The following TENM2 variants were observed in gnomAD, a reference collection of about 807,000 sequenced individuals.
TENM2 encodes the protein teneurin transmembrane protein 2, also known as teneurin-2.
A neutral mutation model predicts 245.2 loss-of-function variants in TENM2; 52 were observed. That is an observed-to-expected ratio of 0.21 (90% CI 0.17 to 0.27). TENM2 has a LOEUF of 0.27. Among genes scored for constraint, TENM2 ranks in the 10% least tolerant of loss-of-function variants. The pLI is 1.00. For missense variants in TENM2, 3,046 were observed against 3,666.8 expected, an observed-to-expected ratio of 0.83 and a Z score of 4.37; for synonymous variants, 1,363 against 1,438.9, an observed-to-expected ratio of 0.95 and a Z score of 1.19.
At chr5:168,076,456 C>G (rs1791487419) in intron 7 of TENM2, among the ~76,000 whole-genome samples, 1 of 152,064 alleles carries the variant, frequency 6.6e-6, no homozygotes, top group South Asian at 2.1e-4. Context: ...GAACTCCTGA[C>G]CTCGTAATCC....
At chr5:167,810,150 T>G (rs541229495) in intron 2 of TENM2, among the ~76,000 whole-genome samples, 1 of 152,192 alleles carries the variant, frequency 6.6e-6, no homozygotes, top group East Asian at 1.9e-4. Context: ...AGTGAAAAGG[T>G]TGAACTTTGT....
intron 1 of TENM2, among the ~76,000 whole-genome samples, chr5:167,355,539 C>T (rs1008181625): frequency 2.6e-5 from 4 of 152,146 alleles, no homozygotes; most frequent in African/African-American, 7.2e-5. Context: ...CCCCTTGTGA[C>T]ACAGGAATAG....
chr5:167,931,087 C>G (rs1291883288), intron 3 of TENM2, among the ~76,000 whole-genome samples: 1 of 152,208 alleles, frequency 6.6e-6, no homozygotes, highest in Non-Finnish European at 1.5e-5. Context: ...CCCTTTGCCC[C>G]TTGAAAAGCA....
chr5:168,120,659 C>T (rs1245731263), intron 10 of TENM2, among the ~76,000 whole-genome samples: 4 of 152,206 alleles, frequency 2.6e-5, no homozygotes, highest in East Asian at 3.9e-4. Flanking sequence ...AGGATGAAAT[C>T]TCCTCCGTTG....
chr5:168,206,629 G>T (rs555173448), intron 19 of TENM2, among the ~76,000 whole-genome samples: 16 of 152,114 alleles, frequency 1.1e-4, no homozygotes, highest in African/African-American at 3.9e-4. Flanking sequence ...CCAAACTGGC[G>T]ATCAGACAAA....
chr5:168,041,485 C>T (rs552355651), intron 5 of TENM2, among the ~76,000 whole-genome samples: 7 of 152,282 alleles, frequency 4.6e-5, no homozygotes, highest in South Asian at 4.1e-4. Context: ...CTTCCCCAGA[C>T]GTCAGCATAA....
At chr5:167,854,387 T>G (rs1288989214) in intron 2 of TENM2, among the ~76,000 whole-genome samples, 1 of 152,224 alleles carries the variant, frequency 6.6e-6, no homozygotes, top group Non-Finnish European at 1.5e-5. Flanking sequence ...TATCCCTGTA[T>G]ATGTTGAGCA....
At chr5:168,102,733 A>C (rs1793922366) in intron 9 of TENM2, among the ~76,000 whole-genome samples, 1 of 152,258 alleles carries the variant, frequency 6.6e-6, no homozygotes. Flanking sequence ...AATGATTAGC[A>C]CTGAATTTAT....
chr5:167,228,177 G>T, the TENM2 span, among the ~76,000 whole-genome samples: 1 of 151,968 alleles, frequency 6.6e-6, no homozygotes, highest in Non-Finnish European at 1.5e-5. Context: ...CTACAGGTGT[G>T]CATCACCACG....
chr5:167,644,786 C>T (rs769497870), intron 2 of TENM2, among the ~76,000 whole-genome samples: 1 of 152,218 alleles, frequency 6.6e-6, no homozygotes, highest in African/African-American at 2.4e-5. Context: ...ATGACAGGCA[C>T]AAGACCTGTC....
At chr5:167,133,014 C>T in the TENM2 span, among the ~76,000 whole-genome samples, 1 of 152,222 alleles carries the variant, frequency 6.6e-6, no homozygotes, top group East Asian at 1.9e-4. Context: ...GATTGAAAAG[C>T]AAGAAGACAG....
At chr5:167,765,416 G>A (rs553067823) in intron 2 of TENM2, among the ~76,000 whole-genome samples, 2 of 152,128 alleles carry the variant, frequency 1.3e-5, no homozygotes, top group African/African-American at 4.8e-5. Context: ...GTCAAAAAAG[G>A]CATCATGGGC....
At chr5:167,272,958 A>G in the TENM2 span, among the ~76,000 whole-genome samples, 2 of 152,164 alleles carry the variant, frequency 1.3e-5, no homozygotes, top group Non-Finnish European at 2.9e-5. Context: ...CCATTTACAC[A>G]CACATACACA....
chr5:167,873,964 C>G (rs190861483), intron 2 of TENM2, among the ~76,000 whole-genome samples: 176 of 152,294 alleles, frequency 1.2e-3, no homozygotes, highest in African/African-American at 4.0e-3. Context: ...CATCTCCTAT[C>G]TCTGCCACCC....
intron 2 of TENM2, among the ~76,000 whole-genome samples, chr5:167,490,987 T>TGGTAAAAAC: frequency 6.6e-6 from 1 of 152,278 alleles, no homozygotes; most frequent in East Asian, 1.9e-4. Context: ...AAACAGCTTC[T>TGGTAAAAAC]AGTAAAAATC....
the TENM2 span, among the ~76,000 whole-genome samples, chr5:166,988,210 G>C: frequency 6.6e-6 from 1 of 152,124 alleles, no homozygotes; most frequent in East Asian, 1.9e-4. Flanking sequence ...TTTTCAAGAT[G>C]TACATATCTC....
intron 2 of TENM2, among the ~76,000 whole-genome samples, chr5:167,497,044 G>T (rs1768865613): frequency 6.6e-6 from 1 of 151,774 alleles, no homozygotes; most frequent in Admixed American, 6.6e-5. Flanking sequence ...GATCAGAAAT[G>T]GTACTGGTTT....
At chr5:167,531,789 G>T (rs1771523199) in intron 2 of TENM2, among the ~76,000 whole-genome samples, 1 of 152,060 alleles carries the variant, frequency 6.6e-6, no homozygotes, top group Non-Finnish European at 1.5e-5. Flanking sequence ...AGCTGTTGGG[G>T]TTTTGTAGCT....
chr5:167,157,344 G>A, the TENM2 span, among the ~76,000 whole-genome samples: 1 of 152,186 alleles, frequency 6.6e-6, no homozygotes, highest in Non-Finnish European at 1.5e-5. Context: ...CCCCTCATTA[G>A]GGTGTGCCTG....
Sources: gnomAD v4.1 joint callset for allele counts (sites outside exome capture counted in the v4.1 genomes callset) on GRCh38, gnomAD v4.1.1 for gene constraint, MANE v1.5 for transcripts, NCBI Gene and HGNC (gene_info 2026-07-23, HGNC 2026-07-21) for gene names.